Variants in HEG1 observed in about 807,000 individuals in gnomAD.
HEG1 encodes the protein heart development protein with EGF like domains 1, also known as protein HEG homolog 1.
HEG1 carries 56 observed loss-of-function variants against 125.6 expected under a neutral mutation model. That is an observed-to-expected ratio of 0.45 (90% CI 0.36 to 0.56). The LOEUF (loss-of-function observed/expected upper bound fraction) is 0.56, where lower values mean the gene tolerates loss of function less well. HEG1 is among the 20% of genes least tolerant of loss of function. HEG1 has a pLI of 0.00. For synonymous variants in HEG1, 644 were observed against 668.5 expected (o/e 0.96, Z 0.57); for missense variants, 1,523 against 1,670.0 (o/e 0.91, Z 1.53).
chr3:124,999,869 A>G (rs1024918357), intron 11 of HEG1, among the ~76,000 whole-genome samples: 1 of 152,350 alleles, frequency 6.6e-6, no homozygotes, highest in Middle Eastern at 3.4e-3. Flanking sequence ...ATTTCCAAAG[A>G]CTAAACCTCT....
At chr3:125,019,686 A>T in intron 4 of HEG1, 89 bp from the exon 5 acceptor site, 1 of 999,666 alleles carries the variant, frequency 1.0e-6, no homozygotes, top group Non-Finnish European at 1.5e-6. Flanking sequence ...CTAGGGAAAG[A>T]TTCTTTGCCA....
At chr3:125,031,632 C>A (rs1291762035) in intron 1 of HEG1, among the ~76,000 whole-genome samples, 1 of 151,770 alleles carries the variant, frequency 6.6e-6, no homozygotes, top group African/African-American at 2.4e-5. Context: ...GCAGGTAGAA[C>A]CTACAGTTTG....
intron 1 of HEG1, among the ~76,000 whole-genome samples, chr3:125,044,999 T>C (rs1352992591): frequency 6.6e-6 from 1 of 152,212 alleles, no homozygotes; most frequent in Non-Finnish European, 1.5e-5. Context: ...GAGTCCATGC[T>C]GATTTCATGT....
At chr3:125,034,443 A>G (rs1488284616) in intron 1 of HEG1, among the ~76,000 whole-genome samples, 2 of 152,228 alleles carry the variant, frequency 1.3e-5, no homozygotes, top group Admixed American at 6.5e-5. Flanking sequence ...TAAAAAAAGT[A>G]ATAATTGAAA....
intron 8 of HEG1, among the ~76,000 whole-genome samples, chr3:125,007,361 G>GT (rs1049649798): frequency 1.3e-4 from 19 of 151,152 alleles, no homozygotes; most frequent in South Asian, 6.3e-4. Context: ...GTTTTTTGTT[G>GT]TTTTTTTTTA....
intron 8 of HEG1, among the ~76,000 whole-genome samples, chr3:125,007,616 C>T (rs1203600776): frequency 6.6e-6 from 1 of 152,162 alleles, no homozygotes; most frequent in South Asian, 2.1e-4. Context: ...TCAAAGCTTG[C>T]TCAAATATAT....
chr3:124,987,448 G>T (rs1265764578), intron 14 of HEG1, among the ~76,000 whole-genome samples: 1 of 151,942 alleles, frequency 6.6e-6, no homozygotes, highest in Non-Finnish European at 1.5e-5. Context: ...GCATTCAGAT[G>T]AGTTTCTTGC....
chr3:124,973,033 T>A (rs941196947), intron 16 of HEG1, among the ~76,000 whole-genome samples: 1 of 151,724 alleles, frequency 6.6e-6, no homozygotes, highest in East Asian at 1.9e-4. Context: ...ATTATTATTA[T>A]TATTTTGAGA....
intron 14 of HEG1, among the ~76,000 whole-genome samples, chr3:124,982,151 C>T (rs993813415): frequency 2.6e-5 from 4 of 152,170 alleles, no homozygotes; most frequent in Non-Finnish European, 5.9e-5. Context: ...CCGCCTGCCT[C>T]GGCCTCCCAA....
At chr3:125,017,662 G>A (rs904385565) in intron 5 of HEG1, among the ~76,000 whole-genome samples, 30 of 152,064 alleles carry the variant, frequency 2.0e-4, no homozygotes, top group African/African-American at 5.6e-4. Context: ...AAAAGAGTTC[G>A]GCAGTTCCTC....
intron 14 of HEG1, among the ~76,000 whole-genome samples, chr3:124,984,202 A>T (rs987680286): frequency 2.6e-5 from 4 of 152,176 alleles, no homozygotes; most frequent in Non-Finnish European, 5.9e-5. Context: ...CAGTGTAGAA[A>T]GATATTTAAG....
intron 11 of HEG1, among the ~76,000 whole-genome samples, chr3:125,001,461 G>T (rs902916231): frequency 3.6e-4 from 54 of 151,924 alleles, no homozygotes; most frequent in African/African-American, 1.3e-3. Flanking sequence ...GGTTTTTTTG[G>T]GTCATTGACA....
At chr3:124,994,734 G>C (rs1936891130) in intron 12 of HEG1, among the ~76,000 whole-genome samples, 1 of 152,174 alleles carries the variant, frequency 6.6e-6, no homozygotes, top group African/African-American at 2.4e-5. Flanking sequence ...TCGAACTCCT[G>C]ACCTCATGAT....
intron 1 of HEG1, among the ~76,000 whole-genome samples, chr3:125,041,362 A>G (rs1419196398): frequency 6.6e-6 from 1 of 152,218 alleles, no homozygotes; most frequent in East Asian, 1.9e-4. Context: ...TCAAATCTGC[A>G]ATACACCAAT....
intron 4 of HEG1, 99 bp downstream of exon 4, chr3:125,020,692 CT>C: frequency 1.0e-6 from 1 of 986,418 alleles, no homozygotes; most frequent in Non-Finnish European, 1.5e-6. Context: ...AAAAAGCACA[CT>C]TTTCTCTGGA....
At chr3:125,044,428 T>C (rs1194964425) in intron 1 of HEG1, among the ~76,000 whole-genome samples, 2 of 152,004 alleles carry the variant, frequency 1.3e-5, no homozygotes, top group Non-Finnish European at 2.9e-5. Flanking sequence ...AGCAGGACAA[T>C]AGTAATGATT....
intron 12 of HEG1, among the ~76,000 whole-genome samples, chr3:124,992,848 T>C (rs931088082): frequency 6.6e-6 from 1 of 152,264 alleles, no homozygotes; most frequent in African/African-American, 2.4e-5. Context: ...TAGAGAGCTG[T>C]GCACCTGGAC....
intron 14 of HEG1, among the ~76,000 whole-genome samples, chr3:124,985,216 G>A (rs140150700): frequency 1.6e-3 from 247 of 152,276 alleles, no homozygotes; most frequent in African/African-American, 5.6e-3. Flanking sequence ...GCTCCAAGGT[G>A]ACATGGATCC....
chr3:125,033,489 A>C (rs1282006421), intron 1 of HEG1, among the ~76,000 whole-genome samples: 2 of 152,192 alleles, frequency 1.3e-5, no homozygotes, highest in South Asian at 2.1e-4. Context: ...CTGGCCCTTC[A>C]ATCTTGGTTT....
Sources: gnomAD v4.1 joint callset for allele counts (sites outside exome capture counted in the v4.1 genomes callset) on GRCh38, gnomAD v4.1.1 for gene constraint, MANE v1.5 for transcripts, NCBI Gene and HGNC (gene_info 2026-07-23, HGNC 2026-07-21) for gene names.